Variants in PDE4D observed in about 807,000 individuals in gnomAD.
The protein encoded by PDE4D is phosphodiesterase 4D, also known as 3',5'-cyclic-AMP phosphodiesterase 4D.
PDE4D carries 24 observed loss-of-function variants against 87.4 expected under a neutral mutation model. The ratio of observed to expected loss-of-function variants is 0.27; its 90% CI spans 0.20 to 0.39. The LOEUF (loss-of-function observed/expected upper bound fraction) is 0.39, where lower values mean the gene tolerates loss of function less well. Ranked by LOEUF, PDE4D falls within the 10% of genes least tolerant of loss-of-function variation. PDE4D has a pLI of 1.00. For synonymous variants in PDE4D, 384 were observed against 383.2 expected (o/e 1.00, Z -0.02); for missense variants, 714 against 1,041.0 (o/e 0.69, Z 4.32).
chr5:60,273,135 A>T (rs1750988496), intron 1 of PDE4D, among the ~76,000 whole-genome samples: 1 of 152,218 alleles, frequency 6.6e-6, no homozygotes, highest in South Asian at 2.1e-4. Context: ...ACAAGTAAAG[A>T]GGGAACTGAA....
At chr5:59,689,629 A>C (rs1252074037) in intron 1 of PDE4D, among the ~76,000 whole-genome samples, 1 of 152,204 alleles carries the variant, frequency 6.6e-6, no homozygotes, top group Non-Finnish European at 1.5e-5. Flanking sequence ...GAATGGGCAA[A>C]AGCTAGAAGC....
At chr5:59,270,235 A>C (rs1272935613) in intron 1 of PDE4D, among the ~76,000 whole-genome samples, 1 of 152,204 alleles carries the variant, frequency 6.6e-6, no homozygotes, top group East Asian at 1.9e-4. Context: ...CCCTGAACCA[A>C]CTTTGACAGT....
At chr5:60,100,594 G>A (rs921138667) in intron 2 of PDE4D, among the ~76,000 whole-genome samples, 13 of 151,958 alleles carry the variant, frequency 8.6e-5, no homozygotes, top group Admixed American at 5.3e-4. Context: ...TACCACTTGG[G>A]AAACAAAAGA....
chr5:59,521,232 T>G (rs1812184338), intron 1 of PDE4D, among the ~76,000 whole-genome samples: 1 of 152,026 alleles, frequency 6.6e-6, no homozygotes. Flanking sequence ...CAGATAGACC[T>G]GGAAGAAAGG....
At chr5:60,427,463 C>T (rs1247833682) in intron 1 of PDE4D, among the ~76,000 whole-genome samples, 1 of 152,070 alleles carries the variant, frequency 6.6e-6, no homozygotes, top group Non-Finnish European at 1.5e-5. Flanking sequence ...CTACAACCAA[C>T]AAAAATATTC....
intron 1 of PDE4D, among the ~76,000 whole-genome samples, chr5:59,789,723 G>A (rs944406658): frequency 2.6e-5 from 4 of 152,130 alleles, no homozygotes; most frequent in Non-Finnish European, 5.9e-5. Context: ...GGTCTCTGAA[G>A]GTCTTCATAT....
intron 2 of PDE4D, among the ~76,000 whole-genome samples, chr5:60,062,450 C>T (rs1274129812): frequency 6.6e-6 from 1 of 152,128 alleles, no homozygotes; most frequent in African/African-American, 2.4e-5. Context: ...AAGAGGAACA[C>T]TTTTTCATTG....
intron 1 of PDE4D, among the ~76,000 whole-genome samples, chr5:59,622,551 C>T (rs747176718): frequency 4.6e-5 from 7 of 152,120 alleles, no homozygotes; most frequent in African/African-American, 1.2e-4. Flanking sequence ...GCTTTGCTTT[C>T]GGCACACCCC....
At chr5:59,953,554 T>C (rs1283500899) in intron 3 of PDE4D, among the ~76,000 whole-genome samples, 2 of 152,214 alleles carry the variant, frequency 1.3e-5, no homozygotes, top group East Asian at 3.9e-4. Flanking sequence ...GCCTCAGTTA[T>C]ATTCTTCAGT....
At chr5:60,198,489 A>G (rs1206735163) in intron 1 of PDE4D, among the ~76,000 whole-genome samples, 1 of 151,530 alleles carries the variant, frequency 6.6e-6, no homozygotes, top group Non-Finnish European at 1.5e-5. Flanking sequence ...AAACTACTTA[A>G]CCCTTTTGCA....
At chr5:58,986,950 G>A (rs1010657195) in intron 11 of PDE4D, among the ~76,000 whole-genome samples, 6 of 83,378 alleles carry the variant, frequency 7.2e-5, no homozygotes, top group Non-Finnish European at 1.5e-4. Context: ...TGAATGTTTG[G>A]TGTTTAAGAT....
chr5:58,991,538 C>G (rs1465012279), intron 8 of PDE4D, among the ~76,000 whole-genome samples: 1 of 152,054 alleles, frequency 6.6e-6, no homozygotes, highest in African/African-American at 2.4e-5. Context: ...AATCTATTCA[C>G]AAAACCTTAA....
intron 2 of PDE4D, among the ~76,000 whole-genome samples, chr5:60,036,000 A>G (rs1199832939): frequency 6.6e-6 from 1 of 152,240 alleles, no homozygotes; most frequent in African/African-American, 2.4e-5. Flanking sequence ...TTAGACATAT[A>G]GAATTTAACA....
Position 60,085,472 on chromosome 5 carries a change from T to G in PDE4D, c.43-96755A>C, listed in dbSNP as rs185378328. ...TATTAGCAGTAATGTATCTAAAAAG[T>G]AAACATTTAATCCAAGCAAATAGCC... On this transcript the variant is annotated intron_variant, in intron 2 of 16. Coordinates refer to the PDE4D transcript ENST00000502484. Among the ~76,000 whole-genome samples, 10 of 152,238 alleles carry G rather than the reference T, an allele frequency of 6.6e-5. No homozygotes were observed. The East Asian group carries it at 1.9e-3, about 29-fold the overall frequency.
intron 1 of PDE4D, among the ~76,000 whole-genome samples, chr5:60,352,870 T>C (rs1450302910): frequency 6.6e-6 from 1 of 152,204 alleles, no homozygotes; most frequent in Non-Finnish European, 1.5e-5. Context: ...TGATTATTTC[T>C]AGTGGTACTC....
intron 1 of PDE4D, among the ~76,000 whole-genome samples, chr5:59,464,388 C>G (rs1044233519): frequency 1.3e-5 from 2 of 152,226 alleles, no homozygotes; most frequent in Non-Finnish European, 2.9e-5. Flanking sequence ...GTGGGACATG[C>G]GGGCAGCAAT....
chr5:58,986,729 C>T lies in PDE4D; in HGVS notation c.1552+1764G>A, dbSNP rs910055850. On this transcript the variant is annotated intron_variant, in intron 11 of 14. Transcript: ENST00000340635. ...AATTGTCTTCCATAAAACCTGGTGCCTGGTGCCAAAAACATTGGAGACTGC... is the reference window on the plus strand; with the variant it reads ...AATTGTCTTCCATAAAACCTGGTGCTTGGTGCCAAAAACATTGGAGACTGC... Among the ~76,000 whole-genome samples, 4 of 152,134 alleles carry T rather than the reference C, an allele frequency of 2.6e-5. No individual in the cohort carries two copies. In the East Asian group the frequency reaches 5.8e-4, roughly 22 times the overall value.
intron 1 of PDE4D, among the ~76,000 whole-genome samples, chr5:59,880,180 A>G (rs1749232225): frequency 6.6e-6 from 1 of 151,928 alleles, no homozygotes; most frequent in Non-Finnish European, 1.5e-5. Context: ...AGCATAGCTC[A>G]CTGTAACCTT....
intron 2 of PDE4D, among the ~76,000 whole-genome samples, chr5:60,011,903 G>A (rs1000799607): frequency 6.6e-6 from 1 of 152,154 alleles, no homozygotes; most frequent in Admixed American, 6.5e-5. Flanking sequence ...GAACCGGGTA[G>A]TGGAGAAATA....
Sources: allele counts gnomAD v4.1 joint callset (sites outside exome capture counted in the v4.1 genomes callset), GRCh38; gene constraint gnomAD v4.1.1; transcripts MANE v1.5; gene names NCBI Gene and HGNC (gene_info 2026-07-23, HGNC 2026-07-21).